Variants in FREM2 observed in about 807,000 individuals in gnomAD.
The protein encoded by FREM2 is FRAS1-related extracellular matrix protein 2.
FREM2 carries 119 observed loss-of-function variants against 219.9 expected under a neutral mutation model. The observed-to-expected ratio is 0.54, with a 90% CI of 0.47 to 0.63. The LOEUF (loss-of-function observed/expected upper bound fraction) is 0.63, where lower values mean the gene tolerates loss of function less well. FREM2 is among the 30% of genes least tolerant of loss of function. The probability of loss-of-function intolerance (pLI) is 0.00; values close to 1 mark genes in which losing one functional copy is unlikely to be tolerated. For synonymous variants in FREM2, 1,562 were observed against 1,522.8 expected, an observed-to-expected ratio of 1.03 and a Z score of -0.60; for missense variants, 4,030 against 3,993.6, an observed-to-expected ratio of 1.01 and a Z score of -0.25.
At position 38,820,315 on chromosome 13, in the gene FREM2, A is replaced by G. The variant is rs117651716; in HGVS notation, c.6020-26258A>G. ...GTTTTGTCTTTTTCCCAGTAACACT[A>G]TCTGCCTGATTCCCATCTCTTCCAA... On this transcript the variant is annotated intron_variant, in intron 6 of 23. Coordinates refer to ENST00000280481, the MANE Select transcript of FREM2 (RefSeq NM_207361.6). 5.1e-3 allele frequency among the ~76,000 whole-genome samples: 776 copies of G among 152,242 alleles called. 5 individuals are homozygous for G. The highest frequency in any genetic ancestry group is 8.1e-3 in the Non-Finnish European group (552 of 68,012).
Position 38,688,126 on chromosome 13 carries a change from A to T in FREM2, c.782A>T (p.Glu261Val). 1 of 1,613,392 alleles carries T rather than the reference A, an allele frequency of 6.2e-7. No homozygotes were observed. The highest frequency in any genetic ancestry group is 8.5e-7 in the Non-Finnish European group (1 of 1,179,786). Residue 261 changes from glutamate to valine, a missense_variant, in exon 1 of 24, where the codon GAA becomes GTA. By Grantham distance (121) the Glu-to-Val change is moderately radical (BLOSUM62 -2). Coordinates refer to ENST00000280481, the MANE Select transcript of FREM2 (RefSeq NM_207361.6). ...TLLMDCKAFQ[E>V]LGVRYRHTAA... ...CTGATGGACTGCAAAGCTTTCCAGG[A>T]ACTAGGCGTGCGCTATCGCCACACA... is the stretch of plus-strand genomic sequence containing the variant.
chr13:38,803,784 G>T (rs1269961463), intron 6 of FREM2, among the ~76,000 whole-genome samples: 4 of 149,996 alleles, frequency 2.7e-5, no homozygotes, highest in Non-Finnish European at 5.9e-5. Flanking sequence ...AGGCAACATG[G>T]TGAGCTCTGT....
Position 38,689,188 on chromosome 13 carries a change from C to T in FREM2, c.1844C>T (p.Thr615Ile), listed in dbSNP as rs1209092977. Residue 615 changes from threonine to isoleucine, a missense_variant, in exon 1 of 24, where the codon ACT (threonine) becomes ATT (isoleucine). Physicochemically the swap from Thr to Ile is moderately conservative, Grantham distance 89. Around this residue, in one of 2 missense-constraint regions of FREM2, gnomAD observed 3,102 missense variants for 2,950.7 expected, o/e 1.05. Coordinates refer to ENST00000280481, the MANE Select transcript of FREM2 (RefSeq NM_207361.6). The stretch of plus-strand genomic sequence containing the variant: ...ACGGGGCATCTGCTTCTCCGCCAAA[C>T]TCACCCTCCCCATGAGAAGCAGGAA... The part of the protein sequence containing the change: ...LTTGHLLLRQ[T>I]HPPHEKQELL... 6.2e-7 allele frequency: 1 copy of T among 1,614,092 alleles called. No individual in the cohort carries two copies. The highest frequency in any genetic ancestry group is 1.7e-5 in the Admixed American group (1 of 60,024).
At chr13:38,818,164 C>T (rs1023022342) in intron 6 of FREM2, among the ~76,000 whole-genome samples, 1 of 152,104 alleles carries the variant, frequency 6.6e-6, no homozygotes, top group Non-Finnish European at 1.5e-5. Flanking sequence ...CCATATTATT[C>T]AGCAATCCCA....
chr13:38,876,363 T>G lies in FREM2; in HGVS notation c.8525T>G (p.Leu2842Arg), dbSNP rs1878339578. 6.2e-7 allele frequency: 1 copy of G among 1,613,820 alleles called. No homozygotes were observed. Among genetic ancestry groups the G allele is most frequent in the Non-Finnish European group, 8.5e-7 (1 of 1,179,904 alleles). ...CNPREPVTFD[L>R]DIRFQQVSDP... is the part of the protein sequence containing the mutation. ...CCCAGAGAACCTGTCACCTTTGACC[T>G]TGACATCCGATTCCAACAGGTGTGG... is the stretch of plus-strand genomic sequence containing the variant. Residue 2842 changes from leucine to arginine, a missense_variant, in exon 20 of 24, where the codon CTT becomes CGT. Coordinates refer to ENST00000280481, the MANE Select transcript of FREM2 (RefSeq NM_207361.6).
intron 16 of FREM2, among the ~76,000 whole-genome samples, chr13:38,870,285 T>C (rs1878113848): frequency 6.6e-6 from 1 of 152,210 alleles, no homozygotes; most frequent in African/African-American, 2.4e-5. Context: ...CCCCAGTGTG[T>C]AGCAGAATAA....
intron 6 of FREM2, among the ~76,000 whole-genome samples, chr13:38,820,607 GA>G (rs1291779336): frequency 6.6e-6 from 1 of 152,050 alleles, no homozygotes; most frequent in Admixed American, 6.6e-5. Flanking sequence ...ACAAAAAGTT[GA>G]TTAAATGGAA....
intron 16 of FREM2, among the ~76,000 whole-genome samples, chr13:38,871,639 A>T (rs1228994596): frequency 6.6e-6 from 1 of 152,170 alleles, no homozygotes; most frequent in Non-Finnish European, 1.5e-5. Flanking sequence ...ATACTGTGGG[A>T]CATTTACCTT....
intron 2 of FREM2, among the ~76,000 whole-genome samples, chr13:38,737,448 G>A (rs1156301584): frequency 1.3e-5 from 2 of 152,200 alleles, no homozygotes; most frequent in Non-Finnish European, 2.9e-5. Flanking sequence ...GTTTGCTAGA[G>A]ATTATCCACC....
chr13:38,706,427 A>T (rs546608030), intron 2 of FREM2, among the ~76,000 whole-genome samples: 1 of 152,342 alleles, frequency 6.6e-6, no homozygotes, highest in East Asian at 1.9e-4. Flanking sequence ...GAAAAAAGCA[A>T]GTAAATAAAT....
intron 2 of FREM2, among the ~76,000 whole-genome samples, chr13:38,709,986 TAC>T (rs59108347): frequency 0.066 from 8,650 of 130,194 alleles, 307 homozygotes; most frequent in East Asian, 0.1. Context: ...TAACTAAAAA[TAC>T]ACACACACAC....
At chr13:38,757,555 T>G (rs1179640562) in intron 2 of FREM2, among the ~76,000 whole-genome samples, 1 of 152,028 alleles carries the variant, frequency 6.6e-6, no homozygotes, top group Non-Finnish European at 1.5e-5. Context: ...TGTGCCTGTT[T>G]CCCTCTACGT....
At position 38,691,409 on chromosome 13, in the gene FREM2, A is replaced by G; in HGVS notation, c.4065A>G (p.Arg1355=). 1 of 1,614,200 alleles carries G rather than the reference A, an allele frequency of 6.2e-7. No homozygotes were observed. Among genetic ancestry groups the G allele is most frequent in the Non-Finnish European group, 8.5e-7 (1 of 1,180,024 alleles). The part of the protein sequence containing the change: ...YGPGHGLLQR[R]KPTGAFENIT... ...CAGGACATGGCTTATTACAGAGACG[A>G]AAACCTACTGGTGCCTTTGAAAATA... is the stretch of plus-strand genomic sequence containing the variant. Residue 1355 remains arginine, a synonymous_variant, in exon 1 of 24, where the codon CGA becomes CGG. Transcript: ENST00000280481.
intron 6 of FREM2, among the ~76,000 whole-genome samples, chr13:38,812,150 C>T (rs1875507067): frequency 6.6e-6 from 1 of 151,984 alleles, no homozygotes; most frequent in Non-Finnish European, 1.5e-5. Context: ...TGTGGGATAT[C>T]TTTTTCCATT....
chr13:38,707,397 A>G (rs997748658), intron 2 of FREM2, among the ~76,000 whole-genome samples: 1 of 152,178 alleles, frequency 6.6e-6, no homozygotes, highest in African/African-American at 2.4e-5. Context: ...TTTTTTCTGC[A>G]TGTTAATTTC....
intron 2 of FREM2, among the ~76,000 whole-genome samples, chr13:38,728,294 A>G (rs1340299395): frequency 6.6e-6 from 1 of 152,206 alleles, no homozygotes; most frequent in Non-Finnish European, 1.5e-5. Flanking sequence ...GAGCAGGATT[A>G]AAACTCTAGG....
chr13:38,712,525 G>A (rs539910279), intron 2 of FREM2, among the ~76,000 whole-genome samples: 2 of 152,186 alleles, frequency 1.3e-5, no homozygotes, highest in African/African-American at 4.8e-5. Context: ...AATATAGAAA[G>A]CATTTTGTAC....
chr13:38,869,154 T>G lies in FREM2; in HGVS notation c.7984-3588T>G, dbSNP rs184194801. Reference sequence around the variant, plus strand: ...GGAACAACATGATAGAGAATTGATTTTTTAAATGTGTTCTTAGTAGCTAAA... The same window carrying G: ...GGAACAACATGATAGAGAATTGATTGTTTAAATGTGTTCTTAGTAGCTAAA... On this transcript the variant is annotated intron_variant, in intron 16 of 23. Transcript: ENST00000280481. Among the ~76,000 whole-genome samples the G allele has an allele frequency of 5.3e-3, 801 of 152,362 alleles. 6 individuals carry two copies. Among genetic ancestry groups the G allele is most frequent in the Non-Finnish European group, 9.2e-3 (626 of 68,042 alleles).
At chr13:38,739,700 G>A (rs1872158533) in intron 2 of FREM2, among the ~76,000 whole-genome samples, 1 of 152,090 alleles carries the variant, frequency 6.6e-6, no homozygotes, top group South Asian at 2.1e-4. Context: ...CATCACCCAG[G>A]ACGGAGAGCC....
Sources: allele counts gnomAD v4.1 joint callset (sites outside exome capture counted in the v4.1 genomes callset), GRCh38; gene constraint gnomAD v4.1.1; regional missense constraint gnomAD v4.1.1; transcripts MANE v1.5; gene names NCBI Gene and HGNC (gene_info 2026-07-23, HGNC 2026-07-21).